MAGI2: variants seen among roughly 807,000 people sequenced by gnomAD.
MAGI2 encodes membrane-associated guanylate kinase, WW and PDZ domain-containing protein 2.
A neutral mutation model predicts 133.3 loss-of-function variants in MAGI2; 35 were observed. The ratio of observed to expected loss-of-function variants is 0.26; its 90% CI spans 0.20 to 0.35. MAGI2 has a LOEUF of 0.35. MAGI2 is among the 10% of genes least tolerant of loss of function. The pLI is 1.00. For missense variants in MAGI2, 1,636 were observed against 1,863.4 expected (o/e 0.88, Z 2.25); for synonymous variants, 729 against 710.6 (o/e 1.03, Z -0.41).
At chr7:78,029,610 A>G (rs979182539) in intron 21 of MAGI2, among the ~76,000 whole-genome samples, 3 of 152,162 alleles carry the variant, frequency 2.0e-5, no homozygotes, top group Non-Finnish European at 2.9e-5. Flanking sequence ...CCTTTAGGCC[A>G]TTTCTTGGGA....
intron 6 of MAGI2, among the ~76,000 whole-genome samples, chr7:78,473,224 T>C (rs1317705721): frequency 2.0e-5 from 3 of 152,010 alleles, no homozygotes; most frequent in African/African-American, 4.8e-5. Flanking sequence ...TCTGATCCCA[T>C]TACTTAGCTA....
intron 1 of MAGI2, among the ~76,000 whole-genome samples, chr7:79,188,615 A>T (rs1053059093): frequency 2.6e-5 from 4 of 151,858 alleles, no homozygotes; most frequent in African/African-American, 9.7e-5. Context: ...TTGATTTGTT[A>T]AATAATGGGG....
intron 3 of MAGI2, among the ~76,000 whole-genome samples, chr7:78,577,920 T>G (rs1483117992): frequency 3.3e-5 from 5 of 151,848 alleles, no homozygotes; most frequent in African/African-American, 1.2e-4. Flanking sequence ...AGAATTTAAT[T>G]AAAAATTAGA....
At chr7:78,085,397 G>A (rs529508718) in intron 20 of MAGI2, among the ~76,000 whole-genome samples, 5 of 151,862 alleles carry the variant, frequency 3.3e-5, no homozygotes, top group Non-Finnish European at 7.4e-5. Context: ...CAGGTGTGGT[G>A]GTGCATGCCT....
rs13237851 is a variant in MAGI2, at chr7:78,879,338, A to G, written c.418+127752T>C. 4.6e-3 allele frequency among the ~76,000 whole-genome samples: 697 copies of G among 152,286 alleles called. 2 individuals carry two copies. The highest frequency in any genetic ancestry group is 0.01 in the Middle Eastern group (3 of 294). On this transcript the variant is annotated intron_variant, in intron 2 of 21. Transcript: ENST00000354212. ...GGGGCAACAGAGACTTCTCTCAATC[A>G]ACAAGAATAAATTATATACCCATCT...
chr7:79,206,237 A>G (rs1829049738), intron 1 of MAGI2, among the ~76,000 whole-genome samples: 1 of 151,702 alleles, frequency 6.6e-6, no homozygotes. Flanking sequence ...AAATCAGAGC[A>G]GAAATAAATA....
At chr7:79,349,251 T>C (rs1310315047) in intron 1 of MAGI2, among the ~76,000 whole-genome samples, 2 of 151,974 alleles carry the variant, frequency 1.3e-5, no homozygotes, top group African/African-American at 4.8e-5. Context: ...TGTAAAATGA[T>C]ACAAATAAAT....
intron 1 of MAGI2, among the ~76,000 whole-genome samples, chr7:79,081,187 A>G (rs894996118): frequency 2.0e-5 from 3 of 152,084 alleles, no homozygotes; most frequent in Non-Finnish European, 4.4e-5. Flanking sequence ...TGGGGCCACC[A>G]GCCTGGGACA....
chr7:79,228,354 C>CAAAAAAAACAAAAAAAAAAAAAAAAAAAA (rs1831047532), intron 1 of MAGI2, among the ~76,000 whole-genome samples: 1 of 31,438 alleles, frequency 3.2e-5, no homozygotes, highest in Non-Finnish European at 7.9e-5. Context: ...AAAAAACAGG[C>CAAAAAAAACAAAAAAAAAAAAAAAAAAAA]AAAAAAAAAA....
intron 2 of MAGI2, among the ~76,000 whole-genome samples, chr7:78,992,561 A>G (rs1366273662): frequency 1.3e-5 from 2 of 152,036 alleles, no homozygotes; most frequent in African/African-American, 4.8e-5. Context: ...TAAAGAGAAT[A>G]ACATCTGGCC....
chr7:78,425,012 G>T lies in MAGI2; in HGVS notation c.1046-55799C>A, dbSNP rs113593173. On this transcript the variant is annotated intron_variant, in intron 6 of 21. Coordinates refer to ENST00000354212, the MANE Select transcript of MAGI2 (RefSeq NM_012301.4). ...AGGGATGATTGGTTTTGAAATGTGAGGACATGAGATTTGGGAGGGGCCAGG... is the reference window on the plus strand; with the variant it reads ...AGGGATGATTGGTTTTGAAATGTGATGACATGAGATTTGGGAGGGGCCAGG... Among the ~76,000 whole-genome samples the T allele has an allele frequency of 6.6e-4, 101 of 152,220 alleles. 1 individual carries two copies. Among genetic ancestry groups the T allele is most frequent in the African/African-American group, 2.3e-3 (95 of 41,514 alleles).
intron 1 of MAGI2, among the ~76,000 whole-genome samples, chr7:79,218,404 T>C (rs1830196952): frequency 6.6e-6 from 1 of 152,048 alleles, no homozygotes; most frequent in South Asian, 2.1e-4. Context: ...GGTGGGGAGA[T>C]GAACTCTGCC....
At chr7:78,429,016 A>G (rs1799542594) in intron 6 of MAGI2, among the ~76,000 whole-genome samples, 1 of 152,184 alleles carries the variant, frequency 6.6e-6, no homozygotes. Flanking sequence ...GTACAGAAGC[A>G]TTAAGGTAGC....
chr7:78,530,655 G>A (rs1431371652), intron 3 of MAGI2, among the ~76,000 whole-genome samples: 1 of 151,718 alleles, frequency 6.6e-6, no homozygotes, highest in African/African-American at 2.4e-5. Flanking sequence ...ATCCCCCATC[G>A]TGTTCAGTAC....
intron 2 of MAGI2, among the ~76,000 whole-genome samples, chr7:78,840,261 A>C (rs1251460132): frequency 6.6e-6 from 1 of 152,064 alleles, no homozygotes; most frequent in Non-Finnish European, 1.5e-5. Flanking sequence ...GCTGTTTTGG[A>C]ACTTTAGTTA....
chr7:78,193,817 T>C (rs1828461253), intron 12 of MAGI2, among the ~76,000 whole-genome samples: 1 of 151,258 alleles, frequency 6.6e-6, no homozygotes, highest in African/African-American at 2.4e-5. Context: ...GATTTCTCAA[T>C]GGCTTGCCAT....
In MAGI2 at chr7:78,633,156, C is replaced by T. The variant is rs192944349; in HGVS notation, c.419-5917G>A. On this transcript the variant is annotated intron_variant, in intron 2 of 21. Transcript: ENST00000354212. ...TAATGGACGAACAGAAAACCAGATA[C>T]TGCGTGTTCTCACTTATAAGTGGGA... Among the ~76,000 whole-genome samples the T allele has an allele frequency of 5.1e-4, 77 of 152,308 alleles. 1 individual carries two copies. The highest frequency in any genetic ancestry group is 3.4e-3 in the Middle Eastern group (1 of 294).
chr7:78,217,664 C>G (rs1222186122), intron 10 of MAGI2, among the ~76,000 whole-genome samples: 1 of 152,206 alleles, frequency 6.6e-6, no homozygotes, highest in African/African-American at 2.4e-5. Flanking sequence ...CCCACACCCT[C>G]TCTGACTCCA....
intron 16 of MAGI2, among the ~76,000 whole-genome samples, chr7:78,143,289 G>A (rs1167057722): frequency 6.6e-6 from 1 of 152,178 alleles, no homozygotes; most frequent in Non-Finnish European, 1.5e-5. Flanking sequence ...CTGTAGGGCA[G>A]AAAAGCCAGT....
Sources: gnomAD v4.1 joint callset for allele counts (sites outside exome capture counted in the v4.1 genomes callset) on GRCh38, gnomAD v4.1.1 for gene constraint, MANE v1.5 for transcripts, NCBI Gene and HGNC (gene_info 2026-07-23, HGNC 2026-07-21) for gene names.